Variants in WRNIP1 observed in about 807,000 individuals in gnomAD.
WRNIP1 encodes WRN helicase interacting protein 1, also known as ATPase WRNIP1.
Under a neutral mutation model 56.1 loss-of-function variants are expected in WRNIP1, and 41 were observed. The ratio of observed to expected loss-of-function variants is 0.73; its 90% confidence interval spans 0.57 to 0.95. WRNIP1 has a LOEUF of 0.95. Among genes scored for constraint, WRNIP1 ranks in the 40% least tolerant of loss-of-function variants. WRNIP1 has a pLI of 0.00. For synonymous variants in WRNIP1, 547 were observed against 398.1 expected, an observed-to-expected ratio of 1.37 and a Z score of -4.45; for missense variants, 1,170 against 939.4, an observed-to-expected ratio of 1.25 and a Z score of -3.21.
At chr6:2,772,944 A>G (rs1477838665) in intron 3 of WRNIP1, 8 of 982,578 alleles carry the variant, frequency 8.1e-6, no homozygotes, top group African/African-American at 7.0e-5. Flanking sequence ...CCAGGAAGCT[A>G]TTGGTGTGCA....
intron 6 of WRNIP1, 36 bp downstream of exon 6, chr6:2,784,439 T>G (rs757238413): frequency 1.1e-5 from 18 of 1,600,208 alleles, no homozygotes; most frequent in Non-Finnish European, 1.5e-5. Context: ...AAATCACTTC[T>G]TTTCTCTCTC....
intron 4 of WRNIP1, among the ~76,000 whole-genome samples, chr6:2,781,446 C>G (rs955032296): frequency 3.9e-5 from 6 of 152,212 alleles, no homozygotes; most frequent in African/African-American, 1.4e-4. Flanking sequence ...CTTTTACAGG[C>G]TTTGCTCTAT....
In WRNIP1 at chr6:2,765,715, C is replaced by T. The variant is rs140718377; in HGVS notation, c.93C>T (p.His31=). ...PVCQQMMPAA[H]INSHLDRCLL... ...GCCAGCAGATGATGCCCGCCGCGCA[C>T]ATCAACTCGCACCTGGACCGCTGTC... Residue 31 remains histidine, a synonymous_variant, in exon 1 of 7, where the codon CAC becomes CAT. Coordinates refer to ENST00000380773, the MANE Select transcript of WRNIP1 (RefSeq NM_020135.3). 4 of 1,543,668 alleles carry T rather than the reference C, an allele frequency of 2.6e-6. No individual in the cohort carries two copies. The highest frequency in any genetic ancestry group is 1.4e-5 in the African/African-American group (1 of 70,292).
At position 2,784,267 on chromosome 6, in the gene WRNIP1, G is replaced by A. The variant is rs7755438; in HGVS notation, c.1643-57G>A. On this transcript the variant is annotated intron_variant, in intron 5 of 6. Transcript: ENST00000380773. ...GTGGTCTGTGGTCGCCTGCACATAG[G>A]CCAGGAGGACAGTGTGTGTCATGAC... 3,894 of 1,554,042 alleles carry A rather than the reference G, an allele frequency of 2.5e-3. 84 individuals are homozygous for A. The African/African-American group carries it at 0.047, about 19-fold the overall frequency.
chr6:2,767,626 C>A (rs1261448202), intron 1 of WRNIP1, among the ~76,000 whole-genome samples: 1 of 152,216 alleles, frequency 6.6e-6, no homozygotes, highest in Non-Finnish European at 1.5e-5. Context: ...TAGTTGTTAA[C>A]CCCATTTAAG....
intron 4 of WRNIP1, among the ~76,000 whole-genome samples, chr6:2,783,125 C>T (rs1033137933): frequency 6.6e-6 from 1 of 152,314 alleles, no homozygotes; most frequent in Admixed American, 6.5e-5. Flanking sequence ...CTGGGAGGAC[C>T]ACCTTTCCTC....
intron 4 of WRNIP1, 29 bp from the exon 5 acceptor site, chr6:2,783,377 T>C: frequency 6.5e-7 from 1 of 1,543,452 alleles, no homozygotes; most frequent in Non-Finnish European, 8.8e-7. Flanking sequence ...CTGTGAGCTC[T>C]GTGTGAGTGG....
At chr6:2,767,906 C>T (rs1202665698) in intron 1 of WRNIP1, among the ~76,000 whole-genome samples, 1 of 152,166 alleles carries the variant, frequency 6.6e-6, no homozygotes, top group Non-Finnish European at 1.5e-5. Context: ...AAGAAGCAGC[C>T]ACAGAATGGG....
rs79275232 is a variant in WRNIP1 at position 2,771,856 on chromosome 6, T to A, written c.1256+1495T>A. Among the ~76,000 whole-genome samples, 842 of 152,314 alleles carry A rather than the reference T, an allele frequency of 5.5e-3. 12 individuals carry two copies. The highest frequency in any genetic ancestry group is 0.019 in the African/African-American group (809 of 41,562). On this transcript the variant is annotated intron_variant, in intron 3 of 6. Coordinates refer to ENST00000380773, the MANE Select transcript of WRNIP1 (RefSeq NM_020135.3). Reference sequence around the variant, plus strand: ...AAAGAAAAGGGGGGAAATCCTAACATGTTTCATGTTTCTGTGTGTTCTTTG... The same window carrying A: ...AAAGAAAAGGGGGGAAATCCTAACAAGTTTCATGTTTCTGTGTGTTCTTTG...
chr6:2,774,010 ATTC>A (rs764049617), intron 3 of WRNIP1: 9 of 985,248 alleles, frequency 9.1e-6, no homozygotes, highest in African/African-American at 7.0e-5. Flanking sequence ...GTGGCTATGG[ATTC>A]TTCTTTTTAT....
chr6:2,785,293 C>T lies in WRNIP1; in HGVS notation c.*11C>T. On this transcript the variant is annotated 3_prime_UTR_variant, in exon 7 of 7. Transcript: ENST00000380773. ...CAGAGGAGGTGCTGACTCCTCAGGGCACGACAGCAGAAGGATGTTGCTTTT... is the reference window on the plus strand; with the variant it reads ...CAGAGGAGGTGCTGACTCCTCAGGGTACGACAGCAGAAGGATGTTGCTTTT... 6 of 1,609,542 alleles carry T rather than the reference C, an allele frequency of 3.7e-6. No homozygotes were observed. The highest frequency in any genetic ancestry group is 5.1e-6 in the Non-Finnish European group (6 of 1,176,824).
intron 2 of WRNIP1, among the ~76,000 whole-genome samples, chr6:2,769,889 G>A (rs976991551): frequency 5.9e-5 from 9 of 152,208 alleles, no homozygotes; most frequent in African/African-American, 1.9e-4. Context: ...TAGTCTACCA[G>A]CAAGAGATCA....
intron 3 of WRNIP1, among the ~76,000 whole-genome samples, chr6:2,776,897 T>G (rs964378718): frequency 1.3e-5 from 2 of 152,256 alleles, no homozygotes; most frequent in African/African-American, 4.8e-5. Context: ...TTTCTCCCTT[T>G]GTCTATTTTT....
At chr6:2,784,254 C>A in intron 5 of WRNIP1, 70 bp from the exon 6 acceptor site, 2 of 1,462,032 alleles carry the variant, frequency 1.4e-6, no homozygotes, top group South Asian at 1.2e-5. Flanking sequence ...GGTCTGTGGT[C>A]GCCTGCACAT....
chr6:2,773,052 A>G, intron 3 of WRNIP1: 1 of 985,484 alleles, frequency 1.0e-6, no homozygotes, highest in Non-Finnish European at 1.2e-6. Flanking sequence ...GGAGGTGAGC[A>G]GGGCACTGGA....
chr6:2,774,095 C>T, intron 3 of WRNIP1: 3 of 985,376 alleles, frequency 3.0e-6, no homozygotes, highest in Non-Finnish European at 2.4e-6. Flanking sequence ...CTCCAGAATA[C>T]AAGGGATTGG....
chr6:2,775,236 A>C (rs182587689), intron 3 of WRNIP1, among the ~76,000 whole-genome samples: 157 of 152,244 alleles, frequency 1.0e-3, no homozygotes, highest in East Asian at 3.9e-4. Context: ...CTCTCTTGGC[A>C]CTTCTTTGTG....
intron 3 of WRNIP1, chr6:2,773,269 G>T: frequency 1.0e-6 from 1 of 985,424 alleles, no homozygotes; most frequent in Non-Finnish European, 1.2e-6. Context: ...GGGTTGAAAA[G>T]CTTGTTCCTG....
intron 3 of WRNIP1, among the ~76,000 whole-genome samples, chr6:2,770,841 T>A (rs1326416036): frequency 6.6e-6 from 1 of 152,234 alleles, no homozygotes; most frequent in African/African-American, 2.4e-5. Context: ...AATTAACTTG[T>A]AACCTTAAAA....
Sources: allele counts gnomAD v4.1 joint callset (sites outside exome capture counted in the v4.1 genomes callset), GRCh38; gene constraint gnomAD v4.1.1; transcripts MANE v1.5; gene names NCBI Gene and HGNC (gene_info 2026-07-23, HGNC 2026-07-21).